Variants in CRYM observed in about 807,000 individuals in gnomAD.
CRYM encodes the protein ketimine reductase mu-crystallin.
CRYM carries 18 observed loss-of-function variants against 32.9 expected under a neutral mutation model. The observed-to-expected ratio is 0.55, with a 90% CI of 0.38 to 0.81. CRYM has a LOEUF of 0.81. CRYM is among the 30% of genes least tolerant of loss of function. The pLI, the probability that CRYM is intolerant of heterozygous loss-of-function variation, is 0.00. For synonymous variants in CRYM, 153 were observed against 152.4 expected (o/e 1.00, Z -0.03); for missense variants, 337 against 393.5 (o/e 0.86, Z 1.21).
intron 3 of CRYM, among the ~76,000 whole-genome samples, chr16:21,272,252 G>A (rs76593946): frequency 0.017 from 2,571 of 152,206 alleles, 91 homozygotes; most frequent in East Asian, 0.082. Context: ...TTAAGTACAC[G>A]TATATGAATC....
chr16:21,280,157 A>T (rs1245142689), upstream of CRYM, among the ~76,000 whole-genome samples: 1 of 152,160 alleles, frequency 6.6e-6, no homozygotes, highest in Non-Finnish European at 1.5e-5. Flanking sequence ...AAGTGGGTGG[A>T]TTACCTGAGG....
intron 5 of CRYM, 73 bp from the exon 6 acceptor site, chr16:21,262,231 G>T (rs925625118): frequency 2.4e-5 from 39 of 1,600,544 alleles, no homozygotes; most frequent in Non-Finnish European, 3.0e-5. Flanking sequence ...AAGCACAGGA[G>T]AGAGGTGAAC....
At chr16:21,283,602 C>T (rs1166750900) in intron 1 of CRYM, 3 of 150,592 alleles carry the variant, frequency 2.0e-5, no homozygotes, top group South Asian at 2.1e-4. Context: ...CCAGGACAAG[C>T]AACGGATGAA....
Position 21,275,594 on chromosome 16 carries a change from C to T in CRYM, c.325G>A (p.Val109Ile), listed in dbSNP as rs750374635. 2 of 1,613,728 alleles carry T rather than the reference C, an allele frequency of 1.2e-6. No homozygotes were observed. The highest frequency in any genetic ancestry group is 1.7e-6 in the Non-Finnish European group (2 of 1,179,686). ...FEPSNGTLLA[V>I]MDGNVITAKR... Reference sequence around the variant, plus strand: ...GCAGTTATGACATTTCCATCCATGACCTTGGAGGAAAAGAGAGACAGTGAG... The same window carrying T: ...GCAGTTATGACATTTCCATCCATGATCTTGGAGGAAAAGAGAGACAGTGAG... Residue 109 changes from valine (V) to isoleucine (I), a missense_variant and splice_region_variant, in exon 3 of 8, where the codon GTC (valine) becomes ATC (isoleucine). Coordinates refer to ENST00000572914, the MANE Select transcript of CRYM (RefSeq NM_001376256.1).
At chr16:21,278,597 A>C, upstream of CRYM, 2 of 361,336 alleles carry the variant, frequency 5.5e-6, no homozygotes, top group Non-Finnish European at 1.0e-5. Flanking sequence ...CCTCCCTATT[A>C]ACTCGCTTTT....
upstream of CRYM, among the ~76,000 whole-genome samples, chr16:21,280,811 A>G (rs1484815912): frequency 6.6e-6 from 1 of 152,144 alleles, no homozygotes; most frequent in Non-Finnish European, 1.5e-5. Context: ...CTCAGAGAAG[A>G]TAGGGAACAT....
At chr16:21,267,461 G>A in intron 5 of CRYM, 93 bp downstream of exon 5, 1 of 1,328,984 alleles carries the variant, frequency 7.5e-7, no homozygotes, top group South Asian at 1.2e-5. Flanking sequence ...CATTCTGCAT[G>A]AATAAACTGG....
chr16:21,275,886 G>C (rs569765485), intron 2 of CRYM, among the ~76,000 whole-genome samples: 1 of 152,316 alleles, frequency 6.6e-6, no homozygotes, highest in East Asian at 1.9e-4. Flanking sequence ...AGCACATGGT[G>C]AGCCCTCAAG....
chr16:21,301,720 C>A (rs1167007186), intron 1 of CRYM, among the ~76,000 whole-genome samples: 1 of 152,252 alleles, frequency 6.6e-6, no homozygotes, highest in African/African-American at 2.4e-5. Flanking sequence ...GCACTGCGCG[C>A]CCCCAGCCCT....
chr16:21,276,669 G>A (rs750545092), intron 2 of CRYM, among the ~76,000 whole-genome samples: 2 of 152,168 alleles, frequency 1.3e-5, no homozygotes, highest in Non-Finnish European at 2.9e-5. Context: ...TGTGATCAGC[G>A]TCTCCTTCTT....
chr16:21,263,742 T>C (rs1427705304), intron 5 of CRYM, among the ~76,000 whole-genome samples: 3 of 152,118 alleles, frequency 2.0e-5, no homozygotes, highest in South Asian at 2.1e-4. Context: ...TGCCACCAAA[T>C]GCCTGCAAGG....
At chr16:21,263,273 C>G (rs577277641) in intron 5 of CRYM, among the ~76,000 whole-genome samples, 19 of 152,086 alleles carry the variant, frequency 1.2e-4, no homozygotes, top group Non-Finnish European at 2.6e-4. Context: ...TGGTAGCACA[C>G]GCCTGTAATC....
chr16:21,298,477 A>G (rs1303664281), intron 1 of CRYM, among the ~76,000 whole-genome samples: 1 of 152,264 alleles, frequency 6.6e-6, no homozygotes, highest in Non-Finnish European at 1.5e-5. Flanking sequence ...AATTATAATT[A>G]CATGCAACAT....
At chr16:21,259,699 C>T (rs2093350874) in intron 7 of CRYM, among the ~76,000 whole-genome samples, 1 of 152,230 alleles carries the variant, frequency 6.6e-6, no homozygotes, top group African/African-American at 2.4e-5. Context: ...GCAGGTCTGG[C>T]CCCAGGACTG....
chr16:21,272,578 G>T (rs2093377792), intron 3 of CRYM, among the ~76,000 whole-genome samples: 1 of 151,948 alleles, frequency 6.6e-6, no homozygotes, highest in African/African-American at 2.4e-5. Flanking sequence ...ACAGCCACAG[G>T]CTAGATCAAG....
At chr16:21,286,293 C>T (rs1023684984) in intron 1 of CRYM, among the ~76,000 whole-genome samples, 19 of 151,590 alleles carry the variant, frequency 1.3e-4, no homozygotes, top group African/African-American at 4.4e-4. Context: ...TCTCAGCTCA[C>T]TGGAACCTCC....
rs2272558 is a variant in CRYM at position 21,269,453 on chromosome 16, T to C, written c.489+337A>G. 0.043 allele frequency among the ~76,000 whole-genome samples: 6,581 copies of C among 152,268 alleles called. 461 individuals are homozygous for C. The highest frequency in any genetic ancestry group is 0.34 in the East Asian group (1,782 of 5,170). On this transcript the variant is annotated intron_variant, in intron 4 of 7. Transcript: ENST00000572914. ...CATAACCTTGAATACTTAAAAACTC[T>C]GGATTCTCCTAAGAAAAACATAATA...
At chr16:21,269,977 T>C in intron 3 of CRYM, 86 bp from the exon 4 acceptor site, 1 of 884,884 alleles carries the variant, frequency 1.1e-6, no homozygotes. Flanking sequence ...ATCAGGTGAC[T>C]TCTGCCCTCT....
At chr16:21,288,584 CT>C (rs754941787) in intron 1 of CRYM, among the ~76,000 whole-genome samples, 1 of 152,156 alleles carries the variant, frequency 6.6e-6, no homozygotes, top group East Asian at 1.9e-4. Context: ...TATATTTTCC[CT>C]GGCCTGTTGT....
Sources: gnomAD v4.1 joint callset for allele counts (sites outside exome capture counted in the v4.1 genomes callset) on GRCh38, gnomAD v4.1.1 for gene constraint, MANE v1.5 for transcripts, NCBI Gene and HGNC (gene_info 2026-07-23, HGNC 2026-07-21) for gene names.